Variants in HTR1E observed in about 807,000 individuals in gnomAD.
HTR1E encodes 5-hydroxytryptamine receptor 1E.
A neutral mutation model predicts 3.4 loss-of-function variants in HTR1E; 3 were observed. The ratio of observed to expected loss-of-function variants is 0.89; its 90% CI spans 0.41 to 2.31. HTR1E has a LOEUF of 2.31. Among genes scored for constraint, HTR1E ranks in the 30% most tolerant of loss-of-function variants. The pLI, the probability that HTR1E is intolerant of heterozygous loss-of-function variation, is 0.05. For synonymous variants in HTR1E, 170 were observed against 182.8 expected, an observed-to-expected ratio of 0.93 and a Z score of 0.56; for missense variants, 392 against 467.0, an observed-to-expected ratio of 0.84 and a Z score of 1.48.
At chr6:86,962,485 G>T (rs537574309) in intron 1 of HTR1E, among the ~76,000 whole-genome samples, 117 of 152,306 alleles carry the variant, frequency 7.7e-4, no homozygotes, top group Non-Finnish European at 1.3e-3. Context: ...ATGGCACAAT[G>T]CATTACTCAT....
chr6:86,955,302 G>A (rs149645948), intron 1 of HTR1E, among the ~76,000 whole-genome samples: 1 of 152,292 alleles, frequency 6.6e-6, no homozygotes, highest in Non-Finnish European at 1.5e-5. Context: ...CTGCTATTCT[G>A]TATGTTTGTT....
intron 1 of HTR1E, among the ~76,000 whole-genome samples, chr6:86,994,938 A>G (rs1272628952): frequency 1.3e-5 from 2 of 152,036 alleles, no homozygotes; most frequent in Admixed American, 1.3e-4. Context: ...TATATATCAT[A>G]TAATATCTAG....
At chr6:86,997,748 C>T (rs1299494015) in intron 1 of HTR1E, among the ~76,000 whole-genome samples, 1 of 151,456 alleles carries the variant, frequency 6.6e-6, no homozygotes, top group Non-Finnish European at 1.5e-5. Flanking sequence ...CAAAGCATAC[C>T]AATAATTACA....
intron 1 of HTR1E, among the ~76,000 whole-genome samples, chr6:86,963,476 T>G (rs1239144235): frequency 1.3e-5 from 2 of 152,206 alleles, no homozygotes; most frequent in African/African-American, 4.8e-5. Flanking sequence ...AATGTAGCCT[T>G]AGTGTACAGT....
chr6:86,975,627 G>A (rs539967384), intron 1 of HTR1E, among the ~76,000 whole-genome samples: 100 of 152,054 alleles, frequency 6.6e-4, no homozygotes, highest in Non-Finnish European at 1.2e-3. Flanking sequence ...CAGGATGCCC[G>A]TACATGGACA....
chr6:86,963,894 A>C (rs1767440470), intron 1 of HTR1E, among the ~76,000 whole-genome samples: 1 of 152,196 alleles, frequency 6.6e-6, no homozygotes, highest in African/African-American at 2.4e-5. Flanking sequence ...GCAGGACTAT[A>C]CTTATTAAGC....
intron 1 of HTR1E, among the ~76,000 whole-genome samples, chr6:86,955,917 T>C (rs1299286011): frequency 2.0e-5 from 3 of 151,774 alleles, no homozygotes; most frequent in African/African-American, 7.3e-5. Flanking sequence ...TGAAACCCCC[T>C]CTCAGTCAAG....
chr6:86,995,097 C>CA (rs1027473040), intron 1 of HTR1E, among the ~76,000 whole-genome samples: 38 of 151,770 alleles, frequency 2.5e-4, no homozygotes, highest in Admixed American at 2.1e-3. Context: ...AAATGAAAAC[C>CA]AAAAAATAAA....
chr6:87,009,611 G>C (rs1455454663), intron 1 of HTR1E, among the ~76,000 whole-genome samples: 1 of 148,786 alleles, frequency 6.7e-6, no homozygotes, highest in South Asian at 2.1e-4. Flanking sequence ...CCGGGCAGAG[G>C]GGCTCCTCAC....
At chr6:86,938,619 G>C (rs1225034958) in intron 1 of HTR1E, among the ~76,000 whole-genome samples, 1 of 152,198 alleles carries the variant, frequency 6.6e-6, no homozygotes, top group Non-Finnish European at 1.5e-5. Flanking sequence ...AACGCTGCTT[G>C]TCCTTGAGTT....
intron 1 of HTR1E, among the ~76,000 whole-genome samples, chr6:86,979,121 TG>T (rs1402105422): frequency 6.6e-6 from 1 of 152,230 alleles, no homozygotes; most frequent in African/African-American, 2.4e-5. Context: ...TAACATCAGA[TG>T]GCTTAATTTG....
intron 1 of HTR1E, among the ~76,000 whole-genome samples, chr6:87,008,002 T>C (rs902451471): frequency 5.3e-5 from 8 of 152,058 alleles, no homozygotes; most frequent in African/African-American, 1.7e-4. Flanking sequence ...AACCACAGAA[T>C]GGAAGAAATG....
Position 86,999,037 on chromosome 6 carries a change from A to T in HTR1E, c.-185-16113A>T, listed in dbSNP as rs566092243. Among the ~76,000 whole-genome samples the T allele has an allele frequency of 4.7e-3, 723 of 152,218 alleles. 4 individuals carry two copies. The highest frequency in any genetic ancestry group is 0.017 in the African/African-American group (693 of 41,526). ...TGCAGTAGCGTGATCTCAGCTCACT[A>T]CAACCTCTGCCTCTTGGGTTCAAAC... On this transcript the variant is annotated intron_variant, in intron 1 of 1. Coordinates refer to ENST00000305344, the MANE Select transcript of HTR1E (RefSeq NM_000865.3).
chr6:86,953,678 A>G (rs1159463712), intron 1 of HTR1E, among the ~76,000 whole-genome samples: 1 of 152,154 alleles, frequency 6.6e-6, no homozygotes, highest in Non-Finnish European at 1.5e-5. Context: ...TCATAAGGTC[A>G]GCCCAGACTC....
At chr6:86,947,920 G>A (rs1335249712) in intron 1 of HTR1E, among the ~76,000 whole-genome samples, 2 of 151,966 alleles carry the variant, frequency 1.3e-5, no homozygotes, top group African/African-American at 2.4e-5. Flanking sequence ...GAATGTGCAG[G>A]TTTGTTACAT....
intron 1 of HTR1E, among the ~76,000 whole-genome samples, chr6:86,948,324 T>C (rs1181593568): frequency 2.6e-5 from 4 of 152,240 alleles, no homozygotes; most frequent in African/African-American, 9.6e-5. Context: ...GGATATACTA[T>C]ATCTTATTTA....
chr6:86,973,395 C>T (rs1053877617), intron 1 of HTR1E, among the ~76,000 whole-genome samples: 2 of 151,700 alleles, frequency 1.3e-5, no homozygotes, highest in African/African-American at 2.4e-5. Flanking sequence ...TGACAGGGAA[C>T]GCAGGAGAGG....
intron 1 of HTR1E, among the ~76,000 whole-genome samples, chr6:86,963,340 G>A (rs922257476): frequency 2.6e-5 from 4 of 152,126 alleles, no homozygotes; most frequent in Admixed American, 2.0e-4. Flanking sequence ...GTAGGGACAG[G>A]ATTTCACCAT....
At chr6:86,957,717 A>C (rs755723088) in intron 1 of HTR1E, among the ~76,000 whole-genome samples, 2 of 152,238 alleles carry the variant, frequency 1.3e-5, no homozygotes, top group Non-Finnish European at 2.9e-5. Context: ...TTTCCCATTG[A>C]GGAAAAGAAA....
Sources: allele counts gnomAD v4.1 joint callset (sites outside exome capture counted in the v4.1 genomes callset), GRCh38; gene constraint gnomAD v4.1.1; transcripts MANE v1.5; gene names NCBI Gene and HGNC (gene_info 2026-07-23, HGNC 2026-07-21).